FRMD3: variants seen among roughly 807,000 people sequenced by gnomAD.
FRMD3 encodes FERM domain containing 3.
FRMD3 carries 33 observed loss-of-function variants against 70.2 expected under a neutral mutation model. That is an observed-to-expected ratio of 0.47 (90% CI 0.36 to 0.63). The LOEUF is 0.63. Among genes scored for constraint, FRMD3 ranks in the 20% least tolerant of loss-of-function variants. The pLI is 0.00. For missense variants in FRMD3, 632 were observed against 711.4 expected (o/e 0.89, Z 1.27); for synonymous variants, 279 against 255.9 (o/e 1.09, Z -0.86).
intron 2 of FRMD3, among the ~76,000 whole-genome samples, chr9:83,381,472 C>G (rs1173014203): frequency 2.0e-5 from 3 of 151,868 alleles, no homozygotes; most frequent in South Asian, 4.1e-4. Flanking sequence ...AGGAGAATTG[C>G]TTGAACCCGG....
chr9:83,252,432 G>A (rs1475261483), intron 13 of FRMD3, among the ~76,000 whole-genome samples: 1 of 152,190 alleles, frequency 6.6e-6, no homozygotes, highest in African/African-American at 2.4e-5. Flanking sequence ...GAACTACACA[G>A]ACTGGTGATA....
intron 1 of FRMD3, among the ~76,000 whole-genome samples, chr9:83,512,694 A>C (rs1829365066): frequency 6.6e-6 from 1 of 151,664 alleles, no homozygotes; most frequent in East Asian, 1.9e-4. Context: ...GAAGGCCAGC[A>C]CTCCCTTCCC....
chr9:83,329,148 C>A (rs1836143961), intron 6 of FRMD3, among the ~76,000 whole-genome samples: 1 of 152,278 alleles, frequency 6.6e-6, no homozygotes, highest in African/African-American at 2.4e-5. Flanking sequence ...TTACCCTAGG[C>A]CACAAAATGC....
chr9:83,299,289 T>C (rs374621565), intron 10 of FRMD3, 103 bp from the exon 11 acceptor site: 2 of 684,670 alleles, frequency 2.9e-6, no homozygotes, highest in South Asian at 1.8e-5. Context: ...AAGAAAGAAA[T>C]GTAATTTACC....
intron 13 of FRMD3, among the ~76,000 whole-genome samples, chr9:83,289,851 G>A (rs569234840): frequency 6.6e-6 from 1 of 152,324 alleles, no homozygotes; most frequent in East Asian, 1.9e-4. Context: ...TGAGATGTCT[G>A]CAGGTGTTTG....
At position 83,309,543 on chromosome 9, in the gene FRMD3, A is replaced by C. The variant is rs1017949652; in HGVS notation, c.919T>G (p.Phe307Val). Residue 307 changes from phenylalanine (F) to valine (V), a missense_variant, in exon 10 of 14, where the codon TTT becomes GTT. Coordinates refer to ENST00000304195, the MANE Select transcript of FRMD3 (RefSeq NM_174938.6). ...LWKCGVENQA[F>V]YKYAKSSQIK... ...TGAATAAAAGCCACTTACTTATAAA[A>C]GGCCTGGTTTTCCACTCCACACTTC... The C allele has an allele frequency of 3.8e-6, 6 of 1,581,674 alleles. No homozygotes were observed. Among genetic ancestry groups the C allele is most frequent in the African/African-American group, 1.4e-5 (1 of 73,896 alleles).
At chr9:83,507,687 CATACATAT>C (rs1350804570) in intron 1 of FRMD3, among the ~76,000 whole-genome samples, 2,533 of 46,876 alleles carry the variant, frequency 0.054, 356 homozygotes, top group Middle Eastern at 0.1. Flanking sequence ...AAAAAATATA[CATACATAT>C]ATATATATAT....
intron 1 of FRMD3, among the ~76,000 whole-genome samples, chr9:83,449,282 G>A (rs942570787): frequency 1.3e-5 from 2 of 152,110 alleles, no homozygotes; most frequent in African/African-American, 2.4e-5. Flanking sequence ...CAGAACTCAC[G>A]AACAGCTCTA....
At chr9:83,403,678 C>T (rs1252613537) in intron 1 of FRMD3, among the ~76,000 whole-genome samples, 1 of 152,064 alleles carries the variant, frequency 6.6e-6, no homozygotes, top group Non-Finnish European at 1.5e-5. Context: ...GAGGCCATAA[C>T]AATAATAGGA....
At chr9:83,527,625 CA>C (rs1345976292) in intron 1 of FRMD3, among the ~76,000 whole-genome samples, 64 of 152,164 alleles carry the variant, frequency 4.2e-4, no homozygotes, top group Non-Finnish European at 8.8e-5. Context: ...CTAAGAATGT[CA>C]AATTTCAGGG....
the FRMD3 span, among the ~76,000 whole-genome samples, chr9:83,553,760 T>C: frequency 4.1e-4 from 63 of 152,300 alleles, 1 homozygote; most frequent in East Asian, 0.011. Flanking sequence ...CTGTACCACT[T>C]TATTGTGATT....
intron 1 of FRMD3, among the ~76,000 whole-genome samples, chr9:83,449,598 C>A (rs1413656390): frequency 6.6e-6 from 1 of 152,216 alleles, no homozygotes; most frequent in Non-Finnish European, 1.5e-5. Context: ...ACTCTGAGAA[C>A]CTTCAGGCCA....
At chr9:83,347,384 A>G (rs1382336509) in intron 4 of FRMD3, among the ~76,000 whole-genome samples, 1 of 152,248 alleles carries the variant, frequency 6.6e-6, no homozygotes, top group East Asian at 1.9e-4. Flanking sequence ...AAAACCCATG[A>G]GGGTCTGAGT....
the FRMD3 span, among the ~76,000 whole-genome samples, chr9:83,585,688 C>A: frequency 6.6e-6 from 1 of 152,334 alleles, no homozygotes; most frequent in South Asian, 2.1e-4. Flanking sequence ...GTGCAACTAC[C>A]ATCCACAGAA....
At chr9:83,292,056 G>A (rs1017596691) in intron 12 of FRMD3, among the ~76,000 whole-genome samples, 1 of 152,226 alleles carries the variant, frequency 6.6e-6, no homozygotes, top group Admixed American at 6.5e-5. Context: ...ATACAAATTG[G>A]ACATTCTGCT....
intron 1 of FRMD3, among the ~76,000 whole-genome samples, chr9:83,469,772 A>G (rs1215473678): frequency 6.6e-6 from 1 of 152,242 alleles, no homozygotes; most frequent in Non-Finnish European, 1.5e-5. Context: ...ATTGTCAGGT[A>G]AAGGCTCCGT....
chr9:83,585,307 C>T, the FRMD3 span, among the ~76,000 whole-genome samples: 2 of 152,170 alleles, frequency 1.3e-5, no homozygotes, highest in African/African-American at 2.4e-5. Flanking sequence ...GCTTAAGGAT[C>T]CAAAGAACCC....
chr9:83,247,449 AG>A lies in FRMD3; in HGVS notation c.*468del, dbSNP rs1399267709. The A allele has an allele frequency of 4.1e-6, 4 of 983,832 alleles. No homozygotes were observed. Among genetic ancestry groups the A allele is most frequent in the Non-Finnish European group, 3.6e-6 (3 of 828,318 alleles). The allele number at this position is 983,832 out of a possible 1,614,324, so 60.9% of individuals were successfully genotyped here. A position where few individuals can be genotyped will look rare whatever the true frequency, so the allele number is the denominator to read the frequency against. On this transcript the variant is annotated 3_prime_UTR_variant, in exon 14 of 14. Transcript: ENST00000304195. ...CACATAAAAATATTTTTAAAAAAACAGAACCAAAAACCCAGCATAAATTTAG... is the reference window on the plus strand; with the variant it reads ...CACATAAAAATATTTTTAAAAAAACAAACCAAAAACCCAGCATAAATTTAG...
intron 1 of FRMD3, among the ~76,000 whole-genome samples, chr9:83,447,536 G>A (rs1203090615): frequency 6.6e-6 from 1 of 152,050 alleles, no homozygotes; most frequent in Non-Finnish European, 1.5e-5. Flanking sequence ...GCACTGTGAT[G>A]GCTCAGGTGA....
Sources: gnomAD v4.1 joint callset for allele counts (sites outside exome capture counted in the v4.1 genomes callset) on GRCh38, gnomAD v4.1.1 for gene constraint, MANE v1.5 for transcripts, NCBI Gene and HGNC (gene_info 2026-07-23, HGNC 2026-07-21) for gene names.